The following TPD52 variants were observed in gnomAD, a reference collection of about 807,000 sequenced individuals.
TPD52 encodes tumor protein D52, also known as prostate and colon associated protein.
TPD52 carries 17 observed loss-of-function variants against 31.3 expected under a neutral mutation model. The observed-to-expected ratio is 0.54, with a 90% confidence interval of 0.37 to 0.82. The LOEUF (loss-of-function observed/expected upper bound fraction) is 0.82, where lower values mean the gene tolerates loss of function less well. Among genes scored for constraint, TPD52 ranks in the 40% least tolerant of loss-of-function variants. TPD52 has a pLI of 0.00. For synonymous variants in TPD52, 83 were observed against 89.6 expected (o/e 0.93, Z 0.42); for missense variants, 212 against 240.1 (o/e 0.88, Z 0.77).
chr8:80,137,107 C>T (rs557842467), intron 1 of TPD52, among the ~76,000 whole-genome samples: 2 of 152,258 alleles, frequency 1.3e-5, no homozygotes, highest in South Asian at 2.1e-4. Flanking sequence ...CAATTAAATA[C>T]ATGTTTGTAT....
chr8:80,052,619 G>A lies in TPD52; in HGVS notation c.284+663C>T, dbSNP rs1427835602. The A allele has an allele frequency of 2.2e-5, 28 of 1,287,938 alleles. No individual in the cohort carries two copies. The Admixed American group carries it at 6.5e-4, about 30-fold the overall frequency. 79.8% of individuals were successfully genotyped at this position (1,287,938 alleles called of 1,614,324 possible). A position where few individuals can be genotyped will look rare whatever the true frequency, so the allele number is the denominator to read the frequency against. On this transcript the variant is annotated intron_variant, in intron 3 of 7. Coordinates refer to ENST00000518937, the MANE Select transcript of TPD52 (RefSeq NM_001025253.3). Reference sequence around the variant, plus strand: ...TTCTGTGCTCACCAGCTCTGCAGATGGCTCTCAATACAGAAGACAGAGCAG... The same window carrying A: ...TTCTGTGCTCACCAGCTCTGCAGATAGCTCTCAATACAGAAGACAGAGCAG...
At chr8:80,062,687 G>A (rs1380597081) in intron 2 of TPD52, among the ~76,000 whole-genome samples, 2 of 152,202 alleles carry the variant, frequency 1.3e-5, no homozygotes, top group Non-Finnish European at 2.9e-5. Flanking sequence ...CATGGGCCAG[G>A]AACAGTGGCT....
chr8:80,111,553 A>G (rs909396192), intron 1 of TPD52, among the ~76,000 whole-genome samples: 1 of 152,252 alleles, frequency 6.6e-6, no homozygotes, highest in East Asian at 1.9e-4. Context: ...GGTTTTTCCT[A>G]TATCTCTACA....
chr8:80,145,283 C>T lies in TPD52; in HGVS notation c.19+26142G>A, dbSNP rs1810112447. 2.0e-5 allele frequency among the ~76,000 whole-genome samples: 3 copies of T among 152,322 alleles called. No individual in the cohort carries two copies. In the South Asian group the frequency reaches 6.2e-4, roughly 32 times the overall value. ...TCTCCCACAAGGCTCAAAGATATAACAGTAATCTTGTTTAATCCTAGCATG... is the reference window on the plus strand; with the variant it reads ...TCTCCCACAAGGCTCAAAGATATAATAGTAATCTTGTTTAATCCTAGCATG... On this transcript the variant is annotated intron_variant, in intron 1 of 7. Coordinates refer to ENST00000518937, the MANE Select transcript of TPD52 (RefSeq NM_001025253.3).
Position 80,038,090 on chromosome 8 carries a change from T to A in TPD52, c.*26A>T. ...GGACCTCGCTTGCAGCATCTGGCAG[T>A]GGGTAGCAGAACAAAGGTAGGAATC... On this transcript the variant is annotated 3_prime_UTR_variant, in exon 8 of 8. Transcript: ENST00000518937. 1 of 1,611,538 alleles carries A rather than the reference T, an allele frequency of 6.2e-7. No homozygotes were observed. Among genetic ancestry groups the A allele is most frequent in the African/African-American group, 1.3e-5 (1 of 74,984 alleles).
At chr8:80,041,758 T>A (rs1047121106) in intron 7 of TPD52, among the ~76,000 whole-genome samples, 11 of 151,702 alleles carry the variant, frequency 7.3e-5, no homozygotes, top group East Asian at 1.9e-4. Flanking sequence ...ATAAAAAAAA[T>A]GTCCAACAAT....
rs575916416 is a variant in TPD52, at chr8:80,132,510, A to C, written c.19+38915T>G. On this transcript the variant is annotated intron_variant, in intron 1 of 7. Coordinates refer to ENST00000518937, the MANE Select transcript of TPD52 (RefSeq NM_001025253.3). ...GGTGTGAGCCACCATGCCAGGCCGA[A>C]AATCTATTTCATTCGGTTGCCGTGA... Among the ~76,000 whole-genome samples the C allele has an allele frequency of 1.3e-3, 203 of 152,288 alleles. 1 individual carries two copies. The highest frequency in any genetic ancestry group is 4.6e-3 in the African/African-American group (192 of 41,562).
intron 1 of TPD52, among the ~76,000 whole-genome samples, chr8:80,149,180 G>C (rs1290322731): frequency 6.6e-6 from 1 of 152,184 alleles, no homozygotes; most frequent in Non-Finnish European, 1.5e-5. Context: ...TGTTGTGGGA[G>C]GGACCCAGTG....
In TPD52 at chr8:80,135,588, T is replaced by A. The variant is rs1343706488; in HGVS notation, c.19+35837A>T. Among the ~76,000 whole-genome samples the A allele has an allele frequency of 6.6e-5, 10 of 151,772 alleles. No homozygotes were observed. In the South Asian group the frequency reaches 2.1e-3, roughly 32 times the overall value. On this transcript the variant is annotated intron_variant, in intron 1 of 7. Coordinates refer to ENST00000518937, the MANE Select transcript of TPD52 (RefSeq NM_001025253.3). ...AATCAGTGTGGCGATTCCTCAGGGA[T>A]CTAGAACTGGAAATACCATTTGACC...
At chr8:80,149,338 T>G (rs1176272463) in intron 1 of TPD52, among the ~76,000 whole-genome samples, 2 of 152,214 alleles carry the variant, frequency 1.3e-5, no homozygotes, top group Non-Finnish European at 2.9e-5. Context: ...AGACATGACT[T>G]TGCTTCTCAT....
intron 1 of TPD52, among the ~76,000 whole-genome samples, chr8:80,114,292 C>T (rs866082788): frequency 1.3e-5 from 2 of 152,096 alleles, no homozygotes; most frequent in East Asian, 1.9e-4. Flanking sequence ...TCCACCTATA[C>T]ACCCATTCCC....
In TPD52 at chr8:80,053,278, A is replaced by G. The variant is rs1216281538; in HGVS notation, c.284+4T>C. The G allele has an allele frequency of 1.2e-6, 2 of 1,613,200 alleles. No homozygotes were observed. The highest frequency in any genetic ancestry group is 2.2e-5 in the East Asian group (1 of 44,858). ...AAGGAAAGTGTATGATCAAGGAAAC[A>G]TACGCAGATGTTGCTGTCACGTCTT... On this transcript the variant is annotated splice_donor_region_variant and intron_variant, in intron 3 of 7. Transcript: ENST00000518937.
At chr8:80,059,605 G>A (rs763003726) in intron 2 of TPD52, among the ~76,000 whole-genome samples, 7 of 152,202 alleles carry the variant, frequency 4.6e-5, no homozygotes, top group Non-Finnish European at 1.0e-4. Flanking sequence ...TGTAATCCCA[G>A]CACTTTGGGA....
chr8:80,078,836 C>A (rs7821354), intron 1 of TPD52, among the ~76,000 whole-genome samples: 1 of 151,906 alleles, frequency 6.6e-6, no homozygotes, highest in Non-Finnish European at 1.5e-5. Flanking sequence ...AGAGGTACAC[C>A]CAACCCTACA....
At chr8:80,060,615 A>G (rs771547621) in intron 2 of TPD52, among the ~76,000 whole-genome samples, 10 of 152,222 alleles carry the variant, frequency 6.6e-5, no homozygotes, top group Non-Finnish European at 1.3e-4. Context: ...AGGATTATAA[A>G]ACATGACCAA....
intron 1 of TPD52, among the ~76,000 whole-genome samples, chr8:80,106,249 G>A (rs1053693425): frequency 5.3e-5 from 8 of 152,168 alleles, no homozygotes; most frequent in African/African-American, 1.9e-4. Context: ...TAACACAAAG[G>A]ACAATCCAAT....
chr8:80,064,704 T>A, intron 1 of TPD52, 111 bp from the exon 2 acceptor site: 2 of 774,830 alleles, frequency 2.6e-6, no homozygotes, highest in Non-Finnish European at 2.3e-6. Flanking sequence ...GATCCACACA[T>A]CTCATCTCTG....
intron 1 of TPD52, among the ~76,000 whole-genome samples, chr8:80,163,093 TATC>T (rs1811470079): frequency 1.3e-5 from 2 of 151,872 alleles, no homozygotes; most frequent in Admixed American, 1.3e-4. Flanking sequence ...AAAACAGAAT[TATC>T]ATATGATCCA....
At chr8:80,107,243 T>G (rs1171528610) in intron 1 of TPD52, among the ~76,000 whole-genome samples, 2 of 152,186 alleles carry the variant, frequency 1.3e-5, no homozygotes, top group Non-Finnish European at 2.9e-5. Context: ...GTTACTAATT[T>G]CAAAGCCCAC....
Sources: gnomAD v4.1 joint callset for allele counts (sites outside exome capture counted in the v4.1 genomes callset) on GRCh38, gnomAD v4.1.1 for gene constraint, MANE v1.5 for transcripts, NCBI Gene and HGNC (gene_info 2026-07-23, HGNC 2026-07-21) for gene names.